TRDMT1: variants seen among roughly 807,000 people sequenced by gnomAD.
The protein encoded by TRDMT1 is tRNA (cytosine(38)-C(5))-methyltransferase.
A neutral mutation model predicts 51.2 loss-of-function variants in TRDMT1; 49 were observed. The ratio of observed to expected loss-of-function variants is 0.96; its 90% CI spans 0.76 to 1.21. The LOEUF is 1.21. TRDMT1 is among the 50% of genes most tolerant of loss of function. The pLI is 0.00. For synonymous variants in TRDMT1, 187 were observed against 164.6 expected, an observed-to-expected ratio of 1.14 and a Z score of -1.04; for missense variants, 534 against 462.3, an observed-to-expected ratio of 1.16 and a Z score of -1.42.
intron 3 of TRDMT1, 61 bp from the exon 4 acceptor site, chr10:17,162,298 T>C: frequency 1.4e-6 from 2 of 1,455,646 alleles, no homozygotes; most frequent in Non-Finnish European, 1.9e-6. Context: ...AAGAATCTGA[T>C]AAAAAGATGT....
At chr10:17,153,369 T>C (rs1839036268) in intron 10 of TRDMT1, 138 bp downstream of exon 10, 2 of 975,526 alleles carry the variant, frequency 2.1e-6, no homozygotes, top group Non-Finnish European at 3.0e-6. Context: ...GGCAGAAAGA[T>C]GCCATAAATG....
rs536169503 is a variant in TRDMT1 at position 17,159,745 on chromosome 10, T to C, written c.460-516A>G. 4.6e-5 allele frequency among the ~76,000 whole-genome samples: 7 copies of C among 152,274 alleles called. No individual in the cohort carries two copies. The South Asian group carries it at 6.2e-4, about 14-fold the overall frequency. ...CTATTAATTTCTGGGCAAAGAACAA[T>C]ATAATATGGCTAAAGATGACAAGAA... is the stretch of plus-strand genomic sequence containing the variant. On this transcript the variant is annotated intron_variant, in intron 6 of 10. Transcript: ENST00000377799.
In TRDMT1 at chr10:17,144,493, G is replaced by A. The variant is rs1417903821; in HGVS notation, c.*4547C>T. 6 of 985,666 alleles carry A rather than the reference G, an allele frequency of 6.1e-6. No homozygotes were observed. The East Asian group carries it at 5.7e-4, about 93-fold the overall frequency. The allele number at this position is 985,666 out of a possible 1,614,324, so 61.1% of individuals were successfully genotyped here. On this transcript the variant is annotated 3_prime_UTR_variant, in exon 11 of 11. Coordinates refer to ENST00000377799, the MANE Select transcript of TRDMT1 (RefSeq NM_004412.7). ...AAATGAGATTTTGGAAGCTTTAGGA[G>A]TCAAGTGTGGTGTACTTGAGGGAGA...
intron 1 of TRDMT1, among the ~76,000 whole-genome samples, chr10:17,198,614 A>G (rs1029196692): frequency 6.6e-6 from 1 of 152,240 alleles, no homozygotes; most frequent in African/African-American, 2.4e-5. Flanking sequence ...ATAAAGACAA[A>G]GCAGAATCAA....
At chr10:17,182,773 T>C (rs1166464189) in intron 1 of TRDMT1, among the ~76,000 whole-genome samples, 1 of 152,160 alleles carries the variant, frequency 6.6e-6, no homozygotes. Context: ...CCCAGTCTCA[T>C]CAATTCTTAC....
chr10:17,158,255 A>G (rs574403140), intron 7 of TRDMT1, among the ~76,000 whole-genome samples: 6 of 152,174 alleles, frequency 3.9e-5, no homozygotes, highest in Non-Finnish European at 8.8e-5. Context: ...GTGAAAGGTT[A>G]TTTCTACTCA....
chr10:17,142,467 A>G lies in TRDMT1; in HGVS notation c.*6573T>C. On this transcript the variant is annotated 3_prime_UTR_variant, in exon 11 of 11. Transcript: ENST00000377799. ...GGAAAGAAGGATTTTCTCCCAAGCC[A>G]GGTCCCATGGTATCTCTGGGAGAAG... 1 of 152,204 alleles carries G rather than the reference A, an allele frequency of 6.6e-6. No homozygotes were observed. The highest frequency in any genetic ancestry group is 1.9e-4 in the East Asian group (1 of 5,194). 9.4% of individuals were successfully genotyped at this position (152,204 alleles called of 1,614,324 possible).
rs758336473 is a variant in TRDMT1 at position 17,140,037 on chromosome 10, CTTTTTTTTTTTTTT to C, written c.*8989_*9002del. On this transcript the variant is annotated 3_prime_UTR_variant, in exon 11 of 11. Transcript: ENST00000377799. ...TATTCTTCCAGTAACATCTAGTGTG[CTTTTTTTTTTTTTT>C]TTTTTTTTTTTTGAGACAGAGTCTT... 9.1e-5 allele frequency among the ~76,000 whole-genome samples: 2 copies of C among 21,914 alleles called. No homozygotes were observed. Among genetic ancestry groups the C allele is most frequent in the Non-Finnish European group, 1.7e-4 (2 of 11,716 alleles). The allele number at this position is 21,914 out of a possible 152,430, so 14.4% of individuals were successfully genotyped here. A position where few individuals can be genotyped will look rare whatever the true frequency, so the allele number is the denominator to read the frequency against.
chr10:17,169,693 C>T (rs1434057648), intron 2 of TRDMT1, among the ~76,000 whole-genome samples: 1 of 152,076 alleles, frequency 6.6e-6, no homozygotes, highest in Admixed American at 6.6e-5. Context: ...GAAGTTCAAG[C>T]ACATGAATAA....
chr10:17,154,797 A>G, intron 8 of TRDMT1, 63 bp from the exon 9 acceptor site: 6 of 1,381,982 alleles, frequency 4.3e-6, no homozygotes, highest in Non-Finnish European at 6.0e-6. Flanking sequence ...AATTTCTTAA[A>G]TATTTATTGA....
At chr10:17,177,026 A>C (rs1311318529) in intron 1 of TRDMT1, among the ~76,000 whole-genome samples, 1 of 152,060 alleles carries the variant, frequency 6.6e-6, no homozygotes, top group Non-Finnish European at 1.5e-5. Context: ...TCATTGAAAC[A>C]GAGGAAGAGG....
chr10:17,198,804 TTG>T (rs1324501017), intron 1 of TRDMT1, among the ~76,000 whole-genome samples: 2 of 152,232 alleles, frequency 1.3e-5, no homozygotes, highest in Admixed American at 6.5e-5. Flanking sequence ...ACATTTCATG[TTG>T]TGTTTTACCA....
At chr10:17,173,742 C>T (rs1588601485) in intron 2 of TRDMT1, among the ~76,000 whole-genome samples, 1 of 147,844 alleles carries the variant, frequency 6.8e-6, no homozygotes, top group African/African-American at 2.5e-5. Flanking sequence ...TAAAATTTTT[C>T]ATGATAAATT....
intron 1 of TRDMT1, among the ~76,000 whole-genome samples, chr10:17,175,727 C>T (rs1368083753): frequency 6.6e-6 from 1 of 151,524 alleles, no homozygotes; most frequent in Non-Finnish European, 1.5e-5. Flanking sequence ...AGCAGGCACC[C>T]GGAAATAAAA....
chr10:17,180,810 T>C (rs1204100953), intron 1 of TRDMT1, among the ~76,000 whole-genome samples: 1 of 152,126 alleles, frequency 6.6e-6, no homozygotes, highest in African/African-American at 2.4e-5. Flanking sequence ...ACTAAGCAAA[T>C]GAGTACTTAA....
chr10:17,146,380 G>A lies in TRDMT1; in HGVS notation c.*2660C>T. On this transcript the variant is annotated 3_prime_UTR_variant, in exon 11 of 11. Transcript: ENST00000377799. Reference sequence around the variant, plus strand: ...CATGGCCAGGGTCCTCTGTGAAGGTGATGCCATCATTCCTCTTTCTTGCCT... The same window carrying A: ...CATGGCCAGGGTCCTCTGTGAAGGTAATGCCATCATTCCTCTTTCTTGCCT... The A allele has an allele frequency of 4.1e-6, 4 of 985,436 alleles. No homozygotes were observed. Among genetic ancestry groups the A allele is most frequent in the Non-Finnish European group, 4.8e-6 (4 of 829,944 alleles). The allele number at this position is 985,436 out of a possible 1,614,324, so 61.0% of individuals were successfully genotyped here. A position where few individuals can be genotyped will look rare whatever the true frequency, so the allele number is the denominator to read the frequency against.
chr10:17,163,335 T>C (rs1025117505), intron 3 of TRDMT1, among the ~76,000 whole-genome samples: 2 of 151,930 alleles, frequency 1.3e-5, no homozygotes, highest in African/African-American at 2.4e-5. Flanking sequence ...GAATTGAGCC[T>C]GAGCAGCAGG....
Position 17,159,294 on chromosome 10 carries a change from C to A in TRDMT1, c.460-65G>T, listed in dbSNP as rs955281093. 5 of 1,148,052 alleles carry A rather than the reference C, an allele frequency of 4.4e-6. No individual in the cohort carries two copies. In the African/African-American group the frequency reaches 4.7e-5, roughly 11 times the overall value. The allele number at this position is 1,148,052 out of a possible 1,614,324, so 71.1% of individuals were successfully genotyped here. ...AAAGAGAGCGGTACCAACTTTAGCA[C>A]CAAGTTAAACAGCAACAACAAAAAA... On this transcript the variant is annotated intron_variant, in intron 6 of 10. Coordinates refer to ENST00000377799, the MANE Select transcript of TRDMT1 (RefSeq NM_004412.7).
chr10:17,146,147 A>G lies in TRDMT1; in HGVS notation c.*2893T>C. On this transcript the variant is annotated 3_prime_UTR_variant, in exon 11 of 11. Coordinates refer to ENST00000377799, the MANE Select transcript of TRDMT1 (RefSeq NM_004412.7). ...TAACTTTACCTCTTTGAAAAGTTGG[A>G]TAATTTCAAGCAACAGTTTACCCTC... 14 of 985,496 alleles carry G rather than the reference A, an allele frequency of 1.4e-5. No homozygotes were observed. Among genetic ancestry groups the G allele is most frequent in the Non-Finnish European group, 1.7e-5 (14 of 829,946 alleles). The allele number at this position is 985,496 out of a possible 1,614,324, so 61.0% of individuals were successfully genotyped here. A position where few individuals can be genotyped will look rare whatever the true frequency, so the allele number is the denominator to read the frequency against.
Sources: allele counts gnomAD v4.1 joint callset (sites outside exome capture counted in the v4.1 genomes callset), GRCh38; gene constraint gnomAD v4.1.1; transcripts MANE v1.5; gene names NCBI Gene and HGNC (gene_info 2026-07-23, HGNC 2026-07-21).